The following TDRD12 variants were observed in gnomAD, a reference collection of about 807,000 sequenced individuals.
The protein encoded by TDRD12 is putative ATP-dependent RNA helicase TDRD12.
A neutral mutation model predicts 133.5 loss-of-function variants in TDRD12; 158 were observed. That is an observed-to-expected ratio of 1.18 (90% CI 1.04 to 1.35). The LOEUF is 1.35. TDRD12 is among the 40% of genes most tolerant of loss of function. The pLI, the probability that TDRD12 is intolerant of heterozygous loss-of-function variation, is 0.00. For missense variants in TDRD12, 1,443 were observed against 1,321.3 expected (o/e 1.09, Z -1.43); for synonymous variants, 460 against 477.9 (o/e 0.96, Z 0.49).
chr19:32,790,893 G>A, intron 12 of TDRD12, 71 bp from the exon 13 acceptor site: 1 of 1,490,256 alleles, frequency 6.7e-7, no homozygotes, highest in East Asian at 2.5e-5. Context: ...CTTCATTTCT[G>A]TGAAGTTCTT....
chr19:32,768,665 G>A lies in TDRD12; in HGVS notation c.866-4088G>A, dbSNP rs116935574. Among the ~76,000 whole-genome samples, 56 of 152,104 alleles carry A rather than the reference G, an allele frequency of 3.7e-4. No homozygotes were observed. In the East Asian group the frequency reaches 0.011, roughly 29 times the overall value. ...ACAGGTGTGAGCCACTGCACGCTGA[G>A]ACCTTTCTTTGGCTTACTTTGCTTG... On this transcript the variant is annotated intron_variant, in intron 8 of 27. Coordinates refer to ENST00000444215, the Ensembl canonical transcript of TDRD12.
exon 8 of TDRD12, chr19:32,757,068 C>A: frequency 6.4e-7 from 1 of 1,551,852 alleles, no homozygotes; most frequent in East Asian, 2.4e-5. Context: ...CCGGCACAAT[C>A]TCTGCAACAT....
At chr19:32,780,019 A>G (rs892931840) in intron 11 of TDRD12, among the ~76,000 whole-genome samples, 1 of 150,374 alleles carries the variant, frequency 6.7e-6, no homozygotes. Context: ...ACATCAGCCT[A>G]CTTTGTACTG....
intron 8 of TDRD12, among the ~76,000 whole-genome samples, chr19:32,760,084 A>G (rs1389931181): frequency 6.6e-6 from 1 of 152,234 alleles, no homozygotes; most frequent in Non-Finnish European, 1.5e-5. Flanking sequence ...GGAGGAATAA[A>G]AATACCAGGC....
At chr19:32,739,328 T>C (rs1969322514) in intron 3 of TDRD12, among the ~76,000 whole-genome samples, 1 of 96,058 alleles carries the variant, frequency 1.0e-5, no homozygotes, top group African/African-American at 5.2e-5. Flanking sequence ...TCTCTGCATC[T>C]CCTGGCTACT....
Position 32,756,254 on chromosome 19 carries a change from G to T in TDRD12, c.772+73G>T, listed in dbSNP as rs1442047885. On this transcript the variant is annotated intron_variant, in intron 7 of 27. Transcript: ENST00000444215. ...TAATCTTAGTGTATAGATATAAGTT[G>T]TACAGACTTTTCCCCACATGGAGAC... The T allele has an allele frequency of 2.4e-6, 3 of 1,258,294 alleles. No homozygotes were observed. The African/African-American group carries it at 4.7e-5, about 20-fold the overall frequency. The allele number at this position is 1,258,294 out of a possible 1,614,324, so 77.9% of individuals were successfully genotyped here. A position where few individuals can be genotyped will look rare whatever the true frequency, so the allele number is the denominator to read the frequency against.
intron 13 of TDRD12, among the ~76,000 whole-genome samples, chr19:32,792,881 A>G (rs1971113289): frequency 6.6e-6 from 1 of 152,176 alleles, no homozygotes; most frequent in African/African-American, 2.4e-5. Context: ...GCACCAAATG[A>G]GCATTGATGT....
chr19:32,726,292 C>T (rs990511024), intron 1 of TDRD12, among the ~76,000 whole-genome samples: 2 of 152,042 alleles, frequency 1.3e-5, no homozygotes, highest in Admixed American at 1.3e-4. Flanking sequence ...GTGTTAGCCA[C>T]GATGGTCTTG....
At position 32,764,960 on chromosome 19, in the gene TDRD12, A is replaced by C. The variant is rs1425503945; in HGVS notation, c.866-7793A>C. Reference sequence around the variant, plus strand: ...ATCAGAGTGAACAGGCAACCTACAGAATGGGAGAAAATTTTTGCAATCTAC... The same window carrying C: ...ATCAGAGTGAACAGGCAACCTACAGCATGGGAGAAAATTTTTGCAATCTAC... On this transcript the variant is annotated intron_variant, in intron 8 of 27. Coordinates refer to ENST00000444215, the Ensembl canonical transcript of TDRD12. Among the ~76,000 whole-genome samples the C allele has an allele frequency of 2.4e-4, 36 of 152,194 alleles. 1 individual carries two copies. The highest frequency in any genetic ancestry group is 2.2e-3 in the Admixed American group (34 of 15,272).
rs1199018467 is a variant in TDRD12 at position 32,798,017 on chromosome 19, C to T, written c.1630+126C>T. On this transcript the variant is annotated intron_variant, in intron 15 of 27. Coordinates refer to ENST00000444215, the Ensembl canonical transcript of TDRD12. Reference sequence around the variant, plus strand: ...CATGGCTTGTGTGATGACACACTCACAGTCACTAGTCCAGACCTACTTGTC... The same window carrying T: ...CATGGCTTGTGTGATGACACACTCATAGTCACTAGTCCAGACCTACTTGTC... The T allele has an allele frequency of 5.0e-6, 3 of 594,352 alleles. No homozygotes were observed. In the South Asian group the frequency reaches 6.4e-5, roughly 13 times the overall value. The allele number at this position is 594,352 out of a possible 1,614,324, so 36.8% of individuals were successfully genotyped here.
At chr19:32,747,624 A>G (rs922970482) in intron 4 of TDRD12, among the ~76,000 whole-genome samples, 3 of 152,264 alleles carry the variant, frequency 2.0e-5, no homozygotes, top group Middle Eastern at 3.4e-3. Flanking sequence ...TTTGCAAAGC[A>G]TAAGAAAGAT....
At chr19:32,826,111 A>G, downstream of TDRD12, 1 of 1,535,868 alleles carries the variant, frequency 6.5e-7, no homozygotes, top group Non-Finnish European at 8.7e-7. Flanking sequence ...CTTTATCTGG[A>G]AACACTGAAG....
Position 32,815,637 on chromosome 19 carries a change from C to T in TDRD12, c.3314+17C>T, listed in dbSNP as rs1568495398. 1.3e-6 allele frequency: 2 copies of T among 1,521,994 alleles called. No homozygotes were observed. Among genetic ancestry groups the T allele is most frequent in the East Asian group, 2.5e-5 (1 of 40,776 alleles). 94.3% of individuals were successfully genotyped at this position (1,521,994 alleles called of 1,614,324 possible). ...CCAGACCCCGTAAGTGGATTTCTGT[C>T]TCCTTTTTGGAAGAGTTGTTTTTTG... is the stretch of plus-strand genomic sequence containing the variant. On this transcript the variant is annotated intron_variant, in intron 26 of 27. Coordinates refer to ENST00000444215, the Ensembl canonical transcript of TDRD12.
At chr19:32,730,893 TAA>T (rs980695210) in intron 1 of TDRD12, among the ~76,000 whole-genome samples, 4 of 152,170 alleles carry the variant, frequency 2.6e-5, no homozygotes, top group African/African-American at 9.7e-5. Context: ...CGCACGCTTG[TAA>T]TCCCGGCTAC....
chr19:32,794,370 G>A (rs1971161809), intron 13 of TDRD12, among the ~76,000 whole-genome samples: 1 of 152,032 alleles, frequency 6.6e-6, no homozygotes, highest in South Asian at 2.1e-4. Context: ...CTCCCAAAGT[G>A]CTGGGATTAC....
chr19:32,820,195 C>T lies in TDRD12; in HGVS notation c.3384-838C>T, dbSNP rs1308576938. 2.0e-5 allele frequency among the ~76,000 whole-genome samples: 3 copies of T among 152,172 alleles called. No homozygotes were observed. In the South Asian group the frequency reaches 6.2e-4, roughly 32 times the overall value. The stretch of plus-strand genomic sequence containing the variant: ...GGCTTCTTCTGGGCCCCTCAGAAGA[C>T]AGGCACGGACCCCTCCTTCTCACAG... On this transcript the variant is annotated intron_variant, in intron 27 of 27. Coordinates refer to ENST00000444215, the Ensembl canonical transcript of TDRD12.
intron 24 of TDRD12, among the ~76,000 whole-genome samples, chr19:32,812,330 G>A (rs781379329): frequency 1.1e-4 from 17 of 152,208 alleles, no homozygotes; most frequent in Non-Finnish European, 5.9e-5. Context: ...AGCATGAGTC[G>A]TGTTGATAAG....
intron 24 of TDRD12, among the ~76,000 whole-genome samples, chr19:32,812,860 TTG>T (rs1286385472): frequency 3.9e-5 from 6 of 152,202 alleles, no homozygotes; most frequent in African/African-American, 9.7e-5. Context: ...GTCCTGCCTG[TTG>T]TGTTCCTCCT....
intron 11 of TDRD12, among the ~76,000 whole-genome samples, chr19:32,779,738 CTG>C (rs1369287386): frequency 6.6e-6 from 1 of 152,188 alleles, no homozygotes; most frequent in African/African-American, 2.4e-5. Flanking sequence ...AGTCTCAACT[CTG>C]TGTGTTGACC....
Sources: allele counts gnomAD v4.1 joint callset (sites outside exome capture counted in the v4.1 genomes callset), GRCh38; gene constraint gnomAD v4.1.1; transcripts MANE v1.5; gene names NCBI Gene and HGNC (gene_info 2026-07-23, HGNC 2026-07-21).